Variants in TSC22D1 observed in about 807,000 individuals in gnomAD.
The protein encoded by TSC22D1 is TSC22 domain family protein 1.
TSC22D1 carries 9 observed loss-of-function variants against 74.2 expected under a neutral mutation model. The ratio of observed to expected loss-of-function variants is 0.12; its 90% CI spans 0.07 to 0.21. TSC22D1 has a LOEUF of 0.21. Among genes scored for constraint, TSC22D1 ranks in the 10% least tolerant of loss-of-function variants. The pLI is 1.00. For missense variants in TSC22D1, 1,427 were observed against 1,304.7 expected, an observed-to-expected ratio of 1.09 and a Z score of -1.44; for synonymous variants, 586 against 492.5, an observed-to-expected ratio of 1.19 and a Z score of -2.51.
chr13:44,462,233 A>C (rs1458845623), intron 1 of TSC22D1, among the ~76,000 whole-genome samples: 1 of 150,284 alleles, frequency 6.7e-6, no homozygotes, highest in Admixed American at 6.6e-5. Context: ...ATTTCAGCAG[A>C]GTAACAAGAA....
At chr13:44,533,764 T>C (rs180840796) in intron 1 of TSC22D1, among the ~76,000 whole-genome samples, 44 of 152,140 alleles carry the variant, frequency 2.9e-4, no homozygotes, top group Middle Eastern at 3.4e-3. Flanking sequence ...GCCTGGGCAA[T>C]AGAGCGAGAC....
At chr13:44,493,268 G>A (rs1434819162) in intron 1 of TSC22D1, among the ~76,000 whole-genome samples, 1 of 152,120 alleles carries the variant, frequency 6.6e-6, no homozygotes, top group Non-Finnish European at 1.5e-5. Flanking sequence ...CATTTCCAGC[G>A]TGGGACTCCA....
intron 1 of TSC22D1, among the ~76,000 whole-genome samples, chr13:44,516,023 A>AC (rs1390931664): frequency 1.3e-5 from 2 of 152,204 alleles, no homozygotes; most frequent in Non-Finnish European, 2.9e-5. Flanking sequence ...GAGTAGGCAA[A>AC]CTTTTCATGT....
chr13:44,555,474 C>T (rs1437605889), intron 1 of TSC22D1, among the ~76,000 whole-genome samples: 2 of 151,998 alleles, frequency 1.3e-5, no homozygotes, highest in African/African-American at 2.4e-5. Flanking sequence ...GGTGTCGTGG[C>T]GCGAGCCTGT....
intron 1 of TSC22D1, among the ~76,000 whole-genome samples, chr13:44,504,515 G>C (rs1053606364): frequency 2.7e-5 from 4 of 150,534 alleles, no homozygotes; most frequent in Non-Finnish European, 5.9e-5. Context: ...GAGGTGGGAG[G>C]ATCACCTGAG....
At chr13:44,436,133 A>T in intron 1 of TSC22D1, 38 bp from the exon 2 acceptor site, 1 of 1,596,658 alleles carries the variant, frequency 6.3e-7, no homozygotes, top group Non-Finnish European at 8.5e-7. Context: ...CGATAAATGG[A>T]ATTTATCTTA....
intron 1 of TSC22D1, among the ~76,000 whole-genome samples, chr13:44,473,455 A>G (rs1425818090): frequency 6.6e-6 from 1 of 152,154 alleles, no homozygotes; most frequent in Non-Finnish European, 1.5e-5. Flanking sequence ...AGATCATGCC[A>G]CTGGACTCCA....
At chr13:44,452,027 AAACAATCCAGGTCCTCTCATGTC>A (rs1876178277) in intron 1 of TSC22D1, among the ~76,000 whole-genome samples, 2 of 152,208 alleles carry the variant, frequency 1.3e-5, no homozygotes, top group Non-Finnish European at 2.9e-5. Context: ...ATATAGATGG[AAACAATCCAGGTCCTCTCATGTC>A]AATTCCAAAT....
At chr13:44,567,232 A>G (rs1273890135) in intron 1 of TSC22D1, among the ~76,000 whole-genome samples, 1 of 152,222 alleles carries the variant, frequency 6.6e-6, no homozygotes, top group Non-Finnish European at 1.5e-5. Flanking sequence ...GCAAGAAATC[A>G]GAAGAGCCTT....
rs1380654572 is a variant in TSC22D1, at chr13:44,432,552, A to T, written c.*2074T>A. ...ATCAGCCTATGGCAGTGAGCCATCC[A>T]TCATTTCAACAGGATGCCCGTGTCA... is the stretch of plus-strand genomic sequence containing the variant. On this transcript the variant is annotated 3_prime_UTR_variant, in exon 3 of 3. Transcript: ENST00000458659. The T allele has an allele frequency of 7.5e-6, 1 of 132,572 alleles. No homozygotes were observed. The highest frequency in any genetic ancestry group is 1.8e-5 in the Non-Finnish European group (1 of 56,962). 8.2% of individuals were successfully genotyped at this position (132,572 alleles called of 1,614,324 possible). A position where few individuals can be genotyped will look rare whatever the true frequency, so the allele number is the denominator to read the frequency against.
chr13:44,469,384 T>C (rs1877469292), intron 1 of TSC22D1, among the ~76,000 whole-genome samples: 1 of 152,254 alleles, frequency 6.6e-6, no homozygotes. Flanking sequence ...TTTAATAAAA[T>C]TCTAGCTATC....
chr13:44,490,625 T>A (rs960094551), intron 1 of TSC22D1, among the ~76,000 whole-genome samples: 1 of 152,124 alleles, frequency 6.6e-6, no homozygotes, highest in African/African-American at 2.4e-5. Context: ...AGGCTGGGCA[T>A]AGTAGTTCAC....
intron 1 of TSC22D1, among the ~76,000 whole-genome samples, chr13:44,520,406 T>G (rs1397835376): frequency 1.3e-5 from 2 of 152,146 alleles, no homozygotes; most frequent in Non-Finnish European, 2.9e-5. Context: ...CTCAATAGTA[T>G]TATTTCAGTG....
chr13:44,532,543 G>A (rs1455343892), intron 1 of TSC22D1, among the ~76,000 whole-genome samples: 2 of 152,016 alleles, frequency 1.3e-5, no homozygotes, highest in Non-Finnish European at 1.5e-5. Context: ...GCACCACCTC[G>A]GCTCACTGCA....
chr13:44,512,870 G>A lies in TSC22D1; in HGVS notation c.2912+60293C>T, dbSNP rs182626298. Among the ~76,000 whole-genome samples the A allele has an allele frequency of 1.2e-4, 18 of 152,056 alleles. No homozygotes were observed. In the East Asian group the frequency reaches 2.7e-3, roughly 23 times the overall value. ...TCACCATGTTGGCCAGGATGGTCTCGATCTCTTGACCTTGTGATCTGCCTG... is the reference window on the plus strand; with the variant it reads ...TCACCATGTTGGCCAGGATGGTCTCAATCTCTTGACCTTGTGATCTGCCTG... On this transcript the variant is annotated intron_variant, in intron 1 of 2. Transcript: ENST00000458659.
chr13:44,536,943 A>G, intron 1 of TSC22D1: 2 of 931,008 alleles, frequency 2.1e-6, no homozygotes, highest in East Asian at 1.2e-4. Flanking sequence ...AAAAAAAAAA[A>G]AAAAAAAAAA....
intron 1 of TSC22D1, among the ~76,000 whole-genome samples, chr13:44,533,044 T>C (rs1023447721): frequency 1.3e-5 from 2 of 151,660 alleles, no homozygotes; most frequent in African/African-American, 4.9e-5. Flanking sequence ...ATTAGAAACG[T>C]ATGTGGTATT....
intron 1 of TSC22D1, chr13:44,516,442 G>C (rs977121130): frequency 5.5e-6 from 2 of 364,000 alleles, no homozygotes; most frequent in Non-Finnish European, 1.0e-5. Context: ...AGGGGACTTC[G>C]GCATAAAGGC....
At chr13:44,529,925 A>C (rs1360748308) in intron 1 of TSC22D1, among the ~76,000 whole-genome samples, 1 of 152,086 alleles carries the variant, frequency 6.6e-6, no homozygotes, top group Non-Finnish European at 1.5e-5. Context: ...AAAATCAAAG[A>C]TCTGAAAAAA....
Sources: gnomAD v4.1 joint callset for allele counts (sites outside exome capture counted in the v4.1 genomes callset) on GRCh38, gnomAD v4.1.1 for gene constraint, MANE v1.5 for transcripts, NCBI Gene and HGNC (gene_info 2026-07-23, HGNC 2026-07-21) for gene names.